EPB41L1: variants seen among roughly 807,000 people sequenced by gnomAD.
The protein encoded by EPB41L1 is band 4.1-like protein 1.
EPB41L1 carries 29 observed loss-of-function variants against 97.8 expected under a neutral mutation model. That is an observed-to-expected ratio of 0.30 (90% confidence interval 0.22 to 0.40). The LOEUF is 0.40. Among genes scored for constraint, EPB41L1 ranks in the 10% least tolerant of loss-of-function variants. The pLI, the probability that EPB41L1 is intolerant of heterozygous loss-of-function variation, is 1.00. For missense variants in EPB41L1, 812 were observed against 1,162.3 expected, an observed-to-expected ratio of 0.70 and a Z score of 4.38; for synonymous variants, 383 against 459.2, an observed-to-expected ratio of 0.83 and a Z score of 2.12.
At chr20:36,211,539 G>A (rs2063133603) in intron 15 of EPB41L1, among the ~76,000 whole-genome samples, 1 of 151,898 alleles carries the variant, frequency 6.6e-6, no homozygotes, top group Admixed American at 6.6e-5. Context: ...AGGCCTCCAA[G>A]CATGTGTGGC....
intron 1 of EPB41L1, among the ~76,000 whole-genome samples, chr20:36,109,148 C>T (rs1443375255): frequency 6.6e-6 from 1 of 151,976 alleles, no homozygotes; most frequent in Non-Finnish European, 1.5e-5. Context: ...GGGGTTTCAC[C>T]GTGTTAGCCA....
chr20:36,129,934 G>GTT (rs35257790), intron 2 of EPB41L1, among the ~76,000 whole-genome samples: 15 of 130,508 alleles, frequency 1.1e-4, no homozygotes, highest in Non-Finnish European at 1.8e-4. Flanking sequence ...CGGCAGGTTT[G>GTT]TTTTTTTTTT....
At chr20:36,114,688 C>T (rs1341191994) in intron 2 of EPB41L1, among the ~76,000 whole-genome samples, 2 of 152,214 alleles carry the variant, frequency 1.3e-5, no homozygotes, top group Non-Finnish European at 1.5e-5. Flanking sequence ...CCATCACTGC[C>T]TGTCTCTCCC....
chr20:36,094,348 G>A (rs1029105142), intron 1 of EPB41L1, among the ~76,000 whole-genome samples: 15 of 152,166 alleles, frequency 9.9e-5, no homozygotes, highest in African/African-American at 3.4e-4. Flanking sequence ...GAAAAACTGC[G>A]TGAAAAGGAA....
intron 2 of EPB41L1, among the ~76,000 whole-genome samples, chr20:36,140,878 C>G (rs996233462): frequency 6.6e-6 from 1 of 152,126 alleles, no homozygotes; most frequent in Non-Finnish European, 1.5e-5. Flanking sequence ...GATGGAAGAG[C>G]CCACAGGTGG....
At chr20:36,131,387 G>A (rs1034111095) in intron 2 of EPB41L1, among the ~76,000 whole-genome samples, 9 of 152,192 alleles carry the variant, frequency 5.9e-5, no homozygotes, top group African/African-American at 2.2e-4. Flanking sequence ...TGAGATTACA[G>A]GTGTGAGCCA....
intron 1 of EPB41L1, among the ~76,000 whole-genome samples, chr20:36,102,967 C>T (rs2058064739): frequency 6.6e-6 from 1 of 152,184 alleles, no homozygotes; most frequent in Admixed American, 6.6e-5. Flanking sequence ...CTAGCTCCCT[C>T]TGTTCCTCCC....
intron 1 of EPB41L1, among the ~76,000 whole-genome samples, chr20:36,097,841 G>A (rs1376857804): frequency 6.6e-6 from 1 of 152,248 alleles, no homozygotes; most frequent in Non-Finnish European, 1.5e-5. Context: ...AATGACTGGA[G>A]ATAAAGCTGA....
intron 2 of EPB41L1, among the ~76,000 whole-genome samples, chr20:36,175,027 C>T (rs565884404): frequency 4.0e-4 from 61 of 152,264 alleles, no homozygotes; most frequent in Admixed American, 2.7e-3. Context: ...CCTTAATTCA[C>T]GACAGGCCTG....
At chr20:36,142,592 G>A (rs1471886651) in intron 2 of EPB41L1, among the ~76,000 whole-genome samples, 1 of 152,212 alleles carries the variant, frequency 6.6e-6, no homozygotes, top group African/African-American at 2.4e-5. Flanking sequence ...ACCCGGCAGC[G>A]GTAGCTTAGT....
intron 2 of EPB41L1, among the ~76,000 whole-genome samples, chr20:36,141,894 G>A (rs961978561): frequency 6.6e-6 from 1 of 152,102 alleles, no homozygotes; most frequent in Non-Finnish European, 1.5e-5. Flanking sequence ...GATCACTTGA[G>A]GTCAGGAGTT....
chr20:36,205,910 T>G (rs1173381724), intron 14 of EPB41L1: 1 of 1,289,710 alleles, frequency 7.8e-7, no homozygotes, highest in African/African-American at 1.5e-5. Context: ...CTCGGTCTCC[T>G]AAAAGTGACC....
chr20:36,136,692 C>A (rs1192868987), intron 2 of EPB41L1, among the ~76,000 whole-genome samples: 1 of 151,622 alleles, frequency 6.6e-6, no homozygotes, highest in East Asian at 1.9e-4. Flanking sequence ...CTTCAGCAGT[C>A]CACCTGCCTC....
At position 36,197,973 on chromosome 20, in the gene EPB41L1, CG is replaced by C; in HGVS notation, c.1603del (p.Glu535SerfsTer26). The C allele has an allele frequency of 6.2e-7, 1 of 1,614,114 alleles. No individual in the cohort carries two copies. The highest frequency in any genetic ancestry group is 8.5e-7 in the Non-Finnish European group (1 of 1,180,024). On this transcript the variant is annotated frameshift_variant, in exon 14 of 22. Coordinates refer to ENST00000338074, the MANE Select transcript of EPB41L1 (RefSeq NM_012156.2). LOFTEE classifies it high-confidence loss of function. ...CATCCACCGGGATCGAGACTGGGAA[CG>C]GGAGCGCAGGCTGCCCTCCTCCCCC... ...KLIHRDRDWE[R>X]ERRLPSSPAS... is the part of the protein sequence containing the mutation.
chr20:36,094,542 C>T (rs1249102854), intron 1 of EPB41L1, among the ~76,000 whole-genome samples: 2 of 152,166 alleles, frequency 1.3e-5, no homozygotes, highest in African/African-American at 4.8e-5. Flanking sequence ...TTCCCCGTAA[C>T]GTCACATCCC....
At position 36,188,230 on chromosome 20, in the gene EPB41L1, CCCTGTT is replaced by C. The variant is rs999170819; in HGVS notation, c.874-112_874-107del. 163 of 1,407,870 alleles carry C rather than the reference CCCTGTT, an allele frequency of 1.2e-4. No individual in the cohort carries two copies. The African/African-American group carries it at 2.0e-3, about 17-fold the overall frequency. The allele number at this position is 1,407,870 out of a possible 1,614,324, so 87.2% of individuals were successfully genotyped here. A position where few individuals can be genotyped will look rare whatever the true frequency, so the allele number is the denominator to read the frequency against. On this transcript the variant is annotated intron_variant, in intron 8 of 21. Transcript: ENST00000338074. ...TGGGACTCCAGCATGGAGGCTCTAACCCTGTTCCTGAGAGCTCGTTACAAGCAGCGC... is the reference window on the plus strand; with the variant it reads ...TGGGACTCCAGCATGGAGGCTCTAACCCTGAGAGCTCGTTACAAGCAGCGC...
chr20:36,205,511 A>T (rs1238856672), intron 14 of EPB41L1, among the ~76,000 whole-genome samples: 1 of 152,214 alleles, frequency 6.6e-6, no homozygotes, highest in Non-Finnish European at 1.5e-5. Context: ...TTATGTTATT[A>T]AAAGAGGAAG....
At chr20:36,157,239 C>T (rs954229051) in intron 1 of EPB41L1, among the ~76,000 whole-genome samples, 4 of 151,978 alleles carry the variant, frequency 2.6e-5, no homozygotes, top group Non-Finnish European at 4.4e-5. Context: ...AAAAAAAGGG[C>T]GGGGAGGATG....
chr20:36,093,412 C>T lies in EPB41L1; in HGVS notation c.-65+1800C>T, dbSNP rs1054390773. 1.3e-5 allele frequency among the ~76,000 whole-genome samples: 2 copies of T among 150,478 alleles called. No individual in the cohort carries two copies. Among genetic ancestry groups the T allele is most frequent in the African/African-American group, 2.4e-5 (1 of 40,886 alleles). The stretch of plus-strand genomic sequence containing the variant: ...TGCGGGTGTGCTCCCGCGTAGCCCC[C>T]GTGTGCGTGTGCGCGGCTTTGTCTT... On this transcript the variant is annotated intron_variant, in intron 1 of 19. Coordinates refer to the EPB41L1 transcript ENST00000202028. The surrounding 1 kb of genome is among the most constrained non-coding windows in gnomAD (Gnocchi z 5.4).
Sources: allele counts gnomAD v4.1 joint callset (sites outside exome capture counted in the v4.1 genomes callset), GRCh38; gene constraint gnomAD v4.1.1; non-coding constraint Gnocchi (gnomAD v3.1); transcripts MANE v1.5; gene names NCBI Gene and HGNC (gene_info 2026-07-23, HGNC 2026-07-21).